SH3GL3: variants seen among roughly 807,000 people sequenced by gnomAD.
The protein encoded by SH3GL3 is SH3 domain containing GRB2 like 3, endophilin A3, also known as endophilin-A3.
A neutral mutation model predicts 47.7 loss-of-function variants in SH3GL3; 33 were observed. That is an observed-to-expected ratio of 0.69 (90% CI 0.52 to 0.92). The LOEUF is 0.92. Ranked by LOEUF, SH3GL3 falls within the 40% of genes least tolerant of loss-of-function variation. The probability of loss-of-function intolerance (pLI) is 0.00; values close to 1 mark genes in which losing one functional copy is unlikely to be tolerated. For synonymous variants in SH3GL3, 155 were observed against 148.8 expected (o/e 1.04, Z -0.30); for missense variants, 363 against 417.8 (o/e 0.87, Z 1.14).
intron 6 of SH3GL3, among the ~76,000 whole-genome samples, chr15:83,577,893 A>T (rs953980264): frequency 2.6e-5 from 4 of 152,226 alleles, no homozygotes; most frequent in African/African-American, 7.2e-5. Flanking sequence ...CAGATGGTTA[A>T]GGGAGAACAG....
intron 1 of SH3GL3, among the ~76,000 whole-genome samples, chr15:83,502,800 G>T (rs976430398): frequency 3.3e-4 from 50 of 152,334 alleles, no homozygotes; most frequent in African/African-American, 1.2e-3. Context: ...TTTCTCATGG[G>T]TTTATTTGCT....
At chr15:83,581,445 G>A (rs911889986) in intron 6 of SH3GL3, among the ~76,000 whole-genome samples, 1 of 152,226 alleles carries the variant, frequency 6.6e-6, no homozygotes, top group Non-Finnish European at 1.5e-5. Context: ...GAAGTCCAGT[G>A]AGCTATTCCT....
chr15:83,494,567 G>A (rs1397658976), intron 1 of SH3GL3, among the ~76,000 whole-genome samples: 3 of 146,958 alleles, frequency 2.0e-5, no homozygotes, highest in East Asian at 4.0e-4. Flanking sequence ...TTTTTGAGGT[G>A]AGTCTTGCTC....
chr15:83,572,815 T>C, intron 5 of SH3GL3, 117 bp downstream of exon 5: 1 of 701,278 alleles, frequency 1.4e-6, no homozygotes, highest in Non-Finnish European at 2.3e-6. Flanking sequence ...GTGGGTAGGG[T>C]AAAAATGACT....
chr15:83,600,957 A>C (rs1372780326), intron 8 of SH3GL3, among the ~76,000 whole-genome samples: 1 of 152,156 alleles, frequency 6.6e-6, no homozygotes, highest in African/African-American at 2.4e-5. Flanking sequence ...GCTATTATAA[A>C]AGGGGTTGAG....
At position 83,533,014 on chromosome 15, in the gene SH3GL3, G is replaced by A. The variant is rs192717869; in HGVS notation, c.46-26239G>A. On this transcript the variant is annotated intron_variant, in intron 1 of 8. Transcript: ENST00000427482. ...TTCTGGCATAGTGATCATTGCCTGG[G>A]CTGGGCCCATTGACACTGTATGCAA... Among the ~76,000 whole-genome samples, 98 of 152,316 alleles carry A rather than the reference G, an allele frequency of 6.4e-4. 1 individual carries two copies. The highest frequency in any genetic ancestry group is 3.4e-3 in the Middle Eastern group (1 of 294).
intron 1 of SH3GL3, among the ~76,000 whole-genome samples, chr15:83,491,799 G>A (rs564788898): frequency 6.6e-6 from 1 of 152,244 alleles, no homozygotes; most frequent in East Asian, 1.9e-4. Context: ...GAAGTTGGTC[G>A]GCTTGGGAAT....
chr15:83,459,724 A>G (rs1432348606), intron 1 of SH3GL3, among the ~76,000 whole-genome samples: 1 of 152,144 alleles, frequency 6.6e-6, no homozygotes, highest in Non-Finnish European at 1.5e-5. Context: ...TTAAAATGAT[A>G]ATTTCATTTC....
intron 8 of SH3GL3, among the ~76,000 whole-genome samples, chr15:83,612,129 G>A (rs572513855): frequency 6.6e-5 from 10 of 152,038 alleles, no homozygotes; most frequent in Admixed American, 1.3e-4. Flanking sequence ...TAGACTATCC[G>A]TTTATGACTT....
chr15:83,480,441 C>T (rs2041297771), intron 1 of SH3GL3, among the ~76,000 whole-genome samples: 3 of 152,304 alleles, frequency 2.0e-5, no homozygotes. Context: ...CTGAGGCATG[C>T]AGACATTATG....
At chr15:83,603,323 A>G (rs1217608964) in intron 8 of SH3GL3, among the ~76,000 whole-genome samples, 1 of 152,200 alleles carries the variant, frequency 6.6e-6, no homozygotes, top group Non-Finnish European at 1.5e-5. Flanking sequence ...CTTCTGATCT[A>G]TATACCTCCA....
intron 5 of SH3GL3, among the ~76,000 whole-genome samples, chr15:83,575,600 T>C (rs1005143272): frequency 1.3e-5 from 2 of 152,084 alleles, no homozygotes; most frequent in African/African-American, 4.8e-5. Flanking sequence ...GACTTTCAGG[T>C]GTTCATGTAG....
At chr15:83,607,740 C>T (rs755437519) in intron 8 of SH3GL3, among the ~76,000 whole-genome samples, 1 of 152,016 alleles carries the variant, frequency 6.6e-6, no homozygotes, top group South Asian at 2.1e-4. Context: ...GCAGGCCAGA[C>T]GAGGTATCAT....
intron 8 of SH3GL3, among the ~76,000 whole-genome samples, chr15:83,615,522 G>C (rs2060789489): frequency 1.3e-5 from 2 of 152,112 alleles, no homozygotes; most frequent in Non-Finnish European, 2.9e-5. Flanking sequence ...ATGTTGGCCA[G>C]GGTGGTCTCA....
intron 1 of SH3GL3, among the ~76,000 whole-genome samples, chr15:83,493,793 C>CT (rs974503790): frequency 1.3e-5 from 2 of 152,200 alleles, no homozygotes; most frequent in African/African-American, 2.4e-5. Flanking sequence ...AGCCTGGAGA[C>CT]AGAGGTCAGG....
At chr15:83,566,412 T>TGTGAGA (rs2151757198) in intron 3 of SH3GL3, among the ~76,000 whole-genome samples, 1 of 144,118 alleles carries the variant, frequency 6.9e-6, no homozygotes, top group East Asian at 2.0e-4. Flanking sequence ...GTGTGTAGTG[T>TGTGAGA]GTGAGAGTGA....
the SH3GL3 span, among the ~76,000 whole-genome samples, chr15:83,631,749 G>A: frequency 2.6e-5 from 4 of 152,210 alleles, no homozygotes; most frequent in Non-Finnish European, 5.9e-5. Context: ...TCCCTCCTGG[G>A]CCTCTGGGCC....
intron 1 of SH3GL3, among the ~76,000 whole-genome samples, chr15:83,465,754 C>T (rs922871579): frequency 3.3e-5 from 5 of 151,914 alleles, no homozygotes; most frequent in South Asian, 2.1e-4. Context: ...TTAATATTTT[C>T]GATATTTTGA....
chr15:83,481,058 C>T (rs1369500930), intron 1 of SH3GL3, among the ~76,000 whole-genome samples: 1 of 152,082 alleles, frequency 6.6e-6, no homozygotes, highest in Non-Finnish European at 1.5e-5. Flanking sequence ...GGCGGATCAC[C>T]TGAGGTTAGG....
Sources: gnomAD v4.1 joint callset for allele counts (sites outside exome capture counted in the v4.1 genomes callset) on GRCh38, gnomAD v4.1.1 for gene constraint, MANE v1.5 for transcripts, NCBI Gene and HGNC (gene_info 2026-07-23, HGNC 2026-07-21) for gene names.